Variants in UBE4B observed in about 807,000 individuals in gnomAD.
UBE4B encodes ubiquitination factor E4B.
UBE4B carries 27 observed loss-of-function variants against 148.1 expected under a neutral mutation model. The observed-to-expected ratio is 0.18, with a 90% CI of 0.13 to 0.25. The LOEUF is 0.25. Ranked by LOEUF, UBE4B falls within the 10% of genes least tolerant of loss-of-function variation. The pLI is 1.00. For synonymous variants in UBE4B, 596 were observed against 619.3 expected, an observed-to-expected ratio of 0.96 and a Z score of 0.56; for missense variants, 1,170 against 1,662.4, an observed-to-expected ratio of 0.70 and a Z score of 5.15.
At chr1:10,035,455 G>A (rs1265552012) in intron 1 of UBE4B, among the ~76,000 whole-genome samples, 1 of 134,242 alleles carries the variant, frequency 7.4e-6, no homozygotes, top group Non-Finnish European at 1.6e-5. Flanking sequence ...GGAGTGCAGT[G>A]GCGCTATCTC....
intron 1 of UBE4B, among the ~76,000 whole-genome samples, chr1:10,055,791 G>A (rs987779901): frequency 3.0e-4 from 46 of 152,204 alleles, no homozygotes; most frequent in African/African-American, 1.1e-3. Context: ...GTGGTAGCAC[G>A]TGCCCGTAGT....
In UBE4B at chr1:10,106,416, C is replaced by T. The variant is rs761713643; in HGVS notation, c.1029C>T (p.Gly343=). ...TCACTCACCCATGGGCGTCCTCAGG[C>T]GTCTCCATTCTGTCGAGCTCCCCAA... The part of the protein sequence containing the change: ...YTVTHPWASS[G]VSILSSSPSP... The change falls in exon 7 of 28, where the codon GGC becomes GGT. Residue 343 remains glycine, a synonymous_variant. Coordinates refer to ENST00000343090, the MANE Select transcript of UBE4B (RefSeq NM_001105562.3). The surrounding 1 kb of genome is among the most constrained non-coding windows in gnomAD (Gnocchi z 4.2). 29 of 1,613,426 alleles carry T rather than the reference C, an allele frequency of 1.8e-5. No individual in the cohort carries two copies. The highest frequency in any genetic ancestry group is 5.3e-5 in the African/African-American group (4 of 74,890).
chr1:10,065,753 G>C (rs762196691), intron 1 of UBE4B, among the ~76,000 whole-genome samples: 28 of 152,104 alleles, frequency 1.8e-4, no homozygotes, highest in Non-Finnish European at 3.1e-4. Context: ...CTTTTCATCA[G>C]AAATTCTGTG....
intron 25 of UBE4B, among the ~76,000 whole-genome samples, chr1:10,176,970 G>A (rs1477240638): frequency 2.7e-5 from 4 of 150,396 alleles, no homozygotes; most frequent in Admixed American, 1.3e-4. Context: ...TGTATTTTTA[G>A]TAGAGACGGG....
At chr1:10,126,336 T>G (rs1475047171) in intron 10 of UBE4B, among the ~76,000 whole-genome samples, 1 of 151,976 alleles carries the variant, frequency 6.6e-6, no homozygotes, top group Admixed American at 6.6e-5. Flanking sequence ...GATAGATAGA[T>G]AGATAGATAG....
At chr1:10,148,699 G>A (rs1645920607) in intron 19 of UBE4B, among the ~76,000 whole-genome samples, 1 of 151,098 alleles carries the variant, frequency 6.6e-6, no homozygotes, top group Non-Finnish European at 1.5e-5. Context: ...CAGCACTTTG[G>A]GAGGCCAAGA....
At chr1:10,097,331 C>A (rs983884140) in intron 3 of UBE4B, among the ~76,000 whole-genome samples, 1 of 151,672 alleles carries the variant, frequency 6.6e-6, no homozygotes, top group Non-Finnish European at 1.5e-5. Context: ...GTAGTGAATG[C>A]AGATGTTCAG....
chr1:10,149,111 T>C, intron 19 of UBE4B, 73 bp from the exon 20 acceptor site: 1 of 1,043,292 alleles, frequency 9.6e-7, no homozygotes, highest in South Asian at 1.6e-5. Flanking sequence ...TATCCGATGG[T>C]AATGTAATAC....
chr1:10,047,078 A>G (rs1165350150), intron 1 of UBE4B, among the ~76,000 whole-genome samples: 4 of 152,164 alleles, frequency 2.6e-5, no homozygotes, highest in South Asian at 2.1e-4. Flanking sequence ...GAGGGTTGCC[A>G]TTCTTCCATC....
At chr1:10,117,422 A>G (rs1645330453) in intron 7 of UBE4B, 37 bp from the exon 8 acceptor site, 1 of 1,607,806 alleles carries the variant, frequency 6.2e-7, no homozygotes, top group Non-Finnish European at 8.5e-7. Context: ...AATAATCAAG[A>G]GATAAGAATC....
chr1:10,034,030 C>G (rs1248340332), intron 1 of UBE4B, among the ~76,000 whole-genome samples: 4 of 152,020 alleles, frequency 2.6e-5, no homozygotes, highest in African/African-American at 7.2e-5. Flanking sequence ...GTGTGTGTGT[C>G]TGTGTCTTCA....
chr1:10,179,840 C>A, intron 27 of UBE4B, 55 bp from the exon 28 acceptor site: 1 of 1,600,224 alleles, frequency 6.2e-7, no homozygotes, highest in South Asian at 1.1e-5. Context: ...AGCATCCTCT[C>A]TCAGGAAGAG....
At chr1:10,148,659 G>A (rs1195323573) in intron 19 of UBE4B, among the ~76,000 whole-genome samples, 1 of 147,396 alleles carries the variant, frequency 6.8e-6, no homozygotes, top group East Asian at 2.0e-4. Context: ...CAAGAAAAGG[G>A]CCAGGTGTGG....
At chr1:10,118,924 C>T (rs1645363198) in intron 8 of UBE4B, among the ~76,000 whole-genome samples, 1 of 115,140 alleles carries the variant, frequency 8.7e-6, no homozygotes, top group African/African-American at 3.4e-5. Flanking sequence ...CACTCTGTCA[C>T]CAGGCTGGAG....
chr1:10,130,506 T>G lies in UBE4B; in HGVS notation c.1702T>G (p.Ser568Ala). The G allele has an allele frequency of 6.2e-7, 1 of 1,614,056 alleles. No individual in the cohort carries two copies. Among genetic ancestry groups the G allele is most frequent in the Non-Finnish European group, 8.5e-7 (1 of 1,180,016 alleles). Residue 568 changes from serine (S) to alanine (A), a missense_variant, in exon 13 of 28, where the codon TCT becomes GCT. Transcript: ENST00000343090. ...TCTTCCATCTTCTGCCTAGGTTGCT[T>G]CTTTGCGGTTGTGGTTGCCGAAATC... ...KTHPVCNLVA[S>A]LRLWLPKSLS...
intron 1 of UBE4B, among the ~76,000 whole-genome samples, chr1:10,046,661 C>T (rs1643917642): frequency 6.6e-6 from 1 of 152,130 alleles, no homozygotes; most frequent in Non-Finnish European, 1.5e-5. Context: ...TAGCCTCTGA[C>T]TTTATTTTCT....
intron 1 of UBE4B, among the ~76,000 whole-genome samples, chr1:10,058,487 A>C (rs1644220799): frequency 6.6e-6 from 1 of 152,158 alleles, no homozygotes; most frequent in South Asian, 2.1e-4. Flanking sequence ...GTGCTGGAGA[A>C]AGTGCACAGG....
chr1:10,102,225 G>A (rs1437220545), intron 4 of UBE4B, among the ~76,000 whole-genome samples: 2 of 151,768 alleles, frequency 1.3e-5, no homozygotes, highest in Non-Finnish European at 2.9e-5. Flanking sequence ...TATCTGTGGT[G>A]GTATGTAATG....
intron 2 of UBE4B, chr1:10,072,963 T>A (rs1052965498): frequency 2.0e-5 from 3 of 153,168 alleles, no homozygotes; most frequent in African/African-American, 7.2e-5. Flanking sequence ...TCTGTCTTCT[T>A]GATCTAGAAT....
Sources: gnomAD v4.1 joint callset for allele counts (sites outside exome capture counted in the v4.1 genomes callset) on GRCh38, gnomAD v4.1.1 for gene constraint, Gnocchi (gnomAD v3.1) non-coding constraint, MANE v1.5 for transcripts, NCBI Gene and HGNC (gene_info 2026-07-23, HGNC 2026-07-21) for gene names.